The following CPB1 variants were observed in gnomAD, a reference collection of about 807,000 sequenced individuals.
The protein encoded by CPB1 is carboxypeptidase B1.
Under a neutral mutation model 51.4 loss-of-function variants are expected in CPB1, and 53 were observed. The ratio of observed to expected loss-of-function variants is 1.03; its 90% CI spans 0.83 to 1.30. The LOEUF (loss-of-function observed/expected upper bound fraction) is 1.30. Among genes scored for constraint, CPB1 ranks in the 50% most tolerant of loss-of-function variants. The pLI, the probability that CPB1 is intolerant of heterozygous loss-of-function variation, is 0.00. For missense variants in CPB1, 494 were observed against 516.2 expected (o/e 0.96, Z 0.42); for synonymous variants, 189 against 186.9 (o/e 1.01, Z -0.09).
intron 2 of CPB1, among the ~76,000 whole-genome samples, chr3:148,829,051 C>T (rs1458240151): frequency 1.3e-5 from 2 of 152,146 alleles, no homozygotes; most frequent in East Asian, 3.9e-4. Context: ...TGGAATAGCC[C>T]ACTTGCCTTA....
intron 2 of CPB1, among the ~76,000 whole-genome samples, chr3:148,829,890 A>AG (rs916813809): frequency 2.0e-5 from 3 of 152,082 alleles, no homozygotes; most frequent in African/African-American, 7.2e-5. Context: ...TACCCAAGCT[A>AG]GGGGGGTGTT....
Position 148,859,928 on chromosome 3 carries a change from A to G in CPB1, c.1180A>G (p.Ile394Val), listed in dbSNP as rs1229464356. ...TGGCTTTCTCCTTCCAGAATCCCAG[A>G]TCCGGGCTACCTGCGAGGAGACCTT... ...RYGFLLPESQ[I>V]RATCEETFLA... The change falls in exon 11 of 11, where the codon ATC becomes GTC. Residue 394 changes from isoleucine (I) to valine (V), a missense_variant. Coordinates refer to ENST00000282957, the MANE Select transcript of CPB1 (RefSeq NM_001871.3). 1.9e-6 allele frequency: 3 copies of G among 1,614,034 alleles called. No homozygotes were observed. Among genetic ancestry groups the G allele is most frequent in the East Asian group, 2.2e-5 (1 of 44,890 alleles).
At chr3:148,852,143 T>C (rs1224477766) in intron 9 of CPB1, among the ~76,000 whole-genome samples, 1 of 152,260 alleles carries the variant, frequency 6.6e-6, no homozygotes, top group Non-Finnish European at 1.5e-5. Context: ...ATAGCTGTAA[T>C]GTCATCAACG....
intron 2 of CPB1, among the ~76,000 whole-genome samples, chr3:148,830,988 T>C (rs1337850629): frequency 6.6e-6 from 1 of 152,218 alleles, no homozygotes; most frequent in Non-Finnish European, 1.5e-5. Context: ...TACAAGGGCA[T>C]CCAGTCTTTG....
chr3:148,847,227 A>T (rs753123571), intron 9 of CPB1, among the ~76,000 whole-genome samples: 2 of 151,942 alleles, frequency 1.3e-5, no homozygotes, highest in Non-Finnish European at 2.9e-5. Flanking sequence ...CTGGAAGCTG[A>T]GCTACCAAAG....
At chr3:148,852,676 GTAAA>G (rs1289484876) in intron 9 of CPB1, among the ~76,000 whole-genome samples, 2 of 152,260 alleles carry the variant, frequency 1.3e-5, no homozygotes, top group African/African-American at 4.8e-5. Flanking sequence ...AAATAAATAG[GTAAA>G]TAAATAAATA....
At chr3:148,855,136 G>T (rs892774914) in intron 9 of CPB1, 3 of 152,194 alleles carry the variant, frequency 2.0e-5, no homozygotes, top group Admixed American at 1.3e-4. Flanking sequence ...TTTGCCAAAA[G>T]AGGTTTGACA....
intron 6 of CPB1, 30 bp downstream of exon 6, chr3:148,841,954 A>C (rs772719097): frequency 7.0e-7 from 1 of 1,430,502 alleles, no homozygotes; most frequent in East Asian, 2.3e-5. Flanking sequence ...TTTGGCAAAG[A>C]GAAATGTATG....
chr3:148,844,058 A>T (rs1713161802), intron 6 of CPB1, among the ~76,000 whole-genome samples: 1 of 152,214 alleles, frequency 6.6e-6, no homozygotes, highest in African/African-American at 2.4e-5. Flanking sequence ...TATTAGGAAC[A>T]TGCACAGCTA....
chr3:148,832,129 A>G (rs1712757110), intron 2 of CPB1, among the ~76,000 whole-genome samples: 1 of 152,202 alleles, frequency 6.6e-6, no homozygotes, highest in South Asian at 2.1e-4. Context: ...TCTGTCAAAC[A>G]TATTTATGAG....
At chr3:148,855,024 A>C (rs1490481082) in intron 9 of CPB1, 2 of 152,344 alleles carry the variant, frequency 1.3e-5, no homozygotes, top group Admixed American at 1.3e-4. Context: ...AAGGGTGTAC[A>C]GGGAAGTAAT....
chr3:148,848,695 G>A (rs1660656537), intron 9 of CPB1, among the ~76,000 whole-genome samples: 1 of 152,156 alleles, frequency 6.6e-6, no homozygotes, highest in African/African-American at 2.4e-5. Flanking sequence ...GATTTTACAT[G>A]TAGCTTGCCT....
intron 9 of CPB1, among the ~76,000 whole-genome samples, chr3:148,852,854 G>C (rs1017709050): frequency 2.6e-5 from 4 of 152,138 alleles, no homozygotes; most frequent in Admixed American, 6.5e-5. Flanking sequence ...CGGCAGGCCT[G>C]GTTCTCCTAA....
chr3:148,848,908 T>C (rs1199584728), intron 9 of CPB1, among the ~76,000 whole-genome samples: 1 of 152,230 alleles, frequency 6.6e-6, no homozygotes, highest in East Asian at 1.9e-4. Flanking sequence ...CTTTCCCATT[T>C]GCAAACTGCT....
In CPB1 at chr3:148,860,001, A is replaced by G. The variant is rs201519774; in HGVS notation, c.1253A>G (p.Ter418TrpextTer37). 17 of 1,604,638 alleles carry G rather than the reference A, an allele frequency of 1.1e-5. No individual in the cohort carries two copies. The highest frequency in any genetic ancestry group is 2.6e-6 in the Non-Finnish European group (3 of 1,175,790). Reference protein sequence around the residue: ...VASYVLEHLY* With the variant: ...VASYVLEHLYW ...AGCTACGTCCTGGAACACCTGTACT[A>G]GTTGAGAAAGCTGATGGCCTTGTTT... Residue 418 changes from the stop codon to tryptophan (W), a stop_lost, in exon 11 of 11, where the codon TAG becomes TGG. Transcript: ENST00000282957.
intron 8 of CPB1, 94 bp from the exon 9 acceptor site, chr3:148,845,330 C>T (rs1172442948): frequency 3.8e-6 from 4 of 1,038,994 alleles, no homozygotes; most frequent in Non-Finnish European, 4.4e-6. Context: ...GATAAGGACT[C>T]CTATGAAAAC....
chr3:148,850,199 T>C (rs1466977836), intron 9 of CPB1, among the ~76,000 whole-genome samples: 1 of 152,116 alleles, frequency 6.6e-6, no homozygotes, highest in African/African-American at 2.4e-5. Context: ...AATTATTAAA[T>C]GTGAACAAAA....
rs1465315273 is a variant in CPB1, at chr3:148,840,712, T to C, written c.299T>C (p.Val100Ala). The stretch of plus-strand genomic sequence containing the variant: ...GTACTGATAAGCAACCTGAGAAATG[T>C]GGTGGAGGCTCAGTTTGATAGCCGG... ...YKVLISNLRN[V>A]VEAQFDSRVR... Residue 100 changes from valine (V) to alanine (A), a missense_variant, in exon 4 of 11, where the codon GTG becomes GCG. Coordinates refer to ENST00000282957, the MANE Select transcript of CPB1 (RefSeq NM_001871.3). 5 of 1,614,108 alleles carry C rather than the reference T, an allele frequency of 3.1e-6. No homozygotes were observed. In the East Asian group the frequency reaches 1.1e-4, roughly 36 times the overall value.
chr3:148,836,618 T>C (rs1182378213), intron 3 of CPB1, among the ~76,000 whole-genome samples: 1 of 152,230 alleles, frequency 6.6e-6, no homozygotes, highest in African/African-American at 2.4e-5. Context: ...TGTGTATGAA[T>C]GTTGTCTCAT....
Sources: allele counts gnomAD v4.1 joint callset (sites outside exome capture counted in the v4.1 genomes callset), GRCh38; gene constraint gnomAD v4.1.1; transcripts MANE v1.5; gene names NCBI Gene and HGNC (gene_info 2026-07-23, HGNC 2026-07-21).